Variants in RAPGEF6 observed in about 807,000 individuals in gnomAD.
RAPGEF6 encodes PDZ domain containing guanine nucleotide exchange factor (GEF) 2.
In RAPGEF6, 56 loss-of-function variants were observed where a neutral mutation model predicts 171.4. The observed-to-expected ratio is 0.33, with a 90% CI of 0.26 to 0.41. The LOEUF (loss-of-function observed/expected upper bound fraction) is 0.41, where lower values mean the gene tolerates loss of function less well. Among genes scored for constraint, RAPGEF6 ranks in the 10% least tolerant of loss-of-function variants. The pLI is 1.00. For synonymous variants in RAPGEF6, 692 were observed against 650.1 expected, an observed-to-expected ratio of 1.06 and a Z score of -0.98; for missense variants, 1,674 against 1,921.4, an observed-to-expected ratio of 0.87 and a Z score of 2.41.
At chr5:131,558,292 C>G (rs1761369609) in intron 5 of RAPGEF6, among the ~76,000 whole-genome samples, 1 of 151,596 alleles carries the variant, frequency 6.6e-6, no homozygotes, top group African/African-American at 2.4e-5. Flanking sequence ...ATACCATCTC[C>G]CTTATTAGCA....
At chr5:131,619,034 G>A (rs559012873) in intron 1 of RAPGEF6, among the ~76,000 whole-genome samples, 2 of 146,418 alleles carry the variant, frequency 1.4e-5, no homozygotes, top group South Asian at 4.3e-4. Context: ...AAAGTGCAAT[G>A]TTCATGAAAG....
chr5:131,455,017 A>G (rs185844687), intron 20 of RAPGEF6, among the ~76,000 whole-genome samples: 78 of 152,328 alleles, frequency 5.1e-4, no homozygotes, highest in African/African-American at 1.8e-3. Context: ...ATAAACAAAA[A>G]TTAAGAGATA....
At chr5:131,502,220 T>C (rs1757069554) in intron 11 of RAPGEF6, among the ~76,000 whole-genome samples, 1 of 152,188 alleles carries the variant, frequency 6.6e-6, no homozygotes, top group African/African-American at 2.4e-5. Context: ...TTCAATACAA[T>C]GAGTTAATAA....
chr5:131,446,458 C>G, intron 22 of RAPGEF6, 25 bp downstream of exon 22: 1 of 1,585,284 alleles, frequency 6.3e-7, no homozygotes, highest in Non-Finnish European at 8.6e-7. Flanking sequence ...TCTTTAGCGT[C>G]ACATAAATGA....
intron 3 of RAPGEF6, among the ~76,000 whole-genome samples, chr5:131,596,438 T>C (rs1327679514): frequency 6.6e-6 from 1 of 151,528 alleles, no homozygotes; most frequent in East Asian, 1.9e-4. Flanking sequence ...CCCAAGCTTG[T>C]AAAGCAAATA....
chr5:131,621,254 C>G (rs1765575772), intron 1 of RAPGEF6, among the ~76,000 whole-genome samples: 1 of 152,142 alleles, frequency 6.6e-6, no homozygotes, highest in Admixed American at 6.6e-5. Context: ...GTAGTATTTG[C>G]ATATAACCTA....
chr5:131,605,578 G>C (rs1363105623), intron 1 of RAPGEF6, among the ~76,000 whole-genome samples: 1 of 152,204 alleles, frequency 6.6e-6, no homozygotes, highest in Non-Finnish European at 1.5e-5. Context: ...GAGGAATAAT[G>C]CCTTTATACC....
rs903460209 is a variant in RAPGEF6 at position 131,425,194 on chromosome 5, T to C, written c.*2072A>G. 1.3e-5 allele frequency: 2 copies of C among 152,310 alleles called. No homozygotes were observed. The highest frequency in any genetic ancestry group is 4.8e-5 in the African/African-American group (2 of 41,442). The allele number at this position is 152,310 out of a possible 1,614,324, so 9.4% of individuals were successfully genotyped here. On this transcript the variant is annotated 3_prime_UTR_variant, in exon 28 of 28. Coordinates refer to ENST00000509018, the MANE Select transcript of RAPGEF6 (RefSeq NM_016340.6). ...ATAGGCCTCAACACTCTGTGCAAGA[T>C]ATTTACACTATTAAGGACAAAGACA...
At chr5:131,621,510 G>A in intron 1 of RAPGEF6, among the ~76,000 whole-genome samples, 1 of 151,936 alleles carries the variant, frequency 6.6e-6, no homozygotes, top group Non-Finnish European at 1.5e-5. Flanking sequence ...TCAAACTCCT[G>A]GGCTCAAGCA....
chr5:131,443,921 A>G (rs879407521), intron 22 of RAPGEF6, among the ~76,000 whole-genome samples: 5 of 152,234 alleles, frequency 3.3e-5, no homozygotes, highest in Admixed American at 6.5e-5. Context: ...ATAAATCCAT[A>G]GGTTTTCTGA....
chr5:131,450,746 T>A (rs1464597620), intron 21 of RAPGEF6, among the ~76,000 whole-genome samples: 1 of 152,204 alleles, frequency 6.6e-6, no homozygotes, highest in Non-Finnish European at 1.5e-5. Flanking sequence ...TAAAGAAAGG[T>A]ATTACATTTT....
chr5:131,439,116 C>G (rs1255812384), intron 24 of RAPGEF6, among the ~76,000 whole-genome samples: 1 of 152,128 alleles, frequency 6.6e-6, no homozygotes, highest in Non-Finnish European at 1.5e-5. Flanking sequence ...GGGGTCTCAT[C>G]ATGTTGCCCT....
chr5:131,528,323 A>ATATATAT (rs1759107888), intron 6 of RAPGEF6, among the ~76,000 whole-genome samples: 2 of 109,358 alleles, frequency 1.8e-5, no homozygotes, highest in South Asian at 2.4e-4. Flanking sequence ...TTATATATAT[A>ATATATAT]TATATATATA....
At chr5:131,461,028 A>T (rs1753893286) in intron 19 of RAPGEF6, among the ~76,000 whole-genome samples, 1 of 152,208 alleles carries the variant, frequency 6.6e-6, no homozygotes, top group Admixed American at 6.5e-5. Context: ...CCCTTTGTTG[A>T]TCTACAGTGT....
intron 3 of RAPGEF6, among the ~76,000 whole-genome samples, chr5:131,594,982 G>A (rs1763809364): frequency 6.6e-6 from 1 of 152,148 alleles, no homozygotes; most frequent in African/African-American, 2.4e-5. Flanking sequence ...TTTGGACTTG[G>A]ACTTTTAAGT....
intron 5 of RAPGEF6, among the ~76,000 whole-genome samples, chr5:131,559,358 A>C (rs1761447667): frequency 6.6e-6 from 1 of 152,110 alleles, no homozygotes; most frequent in East Asian, 1.9e-4. Context: ...AAATAAAAAT[A>C]AAAATCTCCC....
At chr5:131,448,984 C>T (rs1179820056) in intron 21 of RAPGEF6, among the ~76,000 whole-genome samples, 1 of 152,086 alleles carries the variant, frequency 6.6e-6, no homozygotes, top group African/African-American at 2.4e-5. Flanking sequence ...AAGTCAAGTT[C>T]ACCAAGCATT....
In RAPGEF6 at chr5:131,610,855, G is replaced by GTAAGCTCAGGTGGCCTTGAAAA. The variant is rs555508209; in HGVS notation, c.70-6184_70-6163dup. On this transcript the variant is annotated intron_variant, in intron 1 of 27. Transcript: ENST00000509018. ...GAAGTAGATTTGTGTGGTGCAAAGTGTAAGCTCAGGTGGCCTTGAAAATAT... is the reference window on the plus strand; with the variant it reads ...GAAGTAGATTTGTGTGGTGCAAAGTGTAAGCTCAGGTGGCCTTGAAAATAAGCTCAGGTGGCCTTGAAAATAT... Among the ~76,000 whole-genome samples the GTAAGCTCAGGTGGCCTTGAAAA allele has an allele frequency of 6.6e-5, 10 of 152,346 alleles. 1 individual carries two copies. In the South Asian group the frequency reaches 2.1e-3, roughly 32 times the overall value.
At chr5:131,440,399 T>C (rs1368807353) in intron 23 of RAPGEF6, among the ~76,000 whole-genome samples, 1 of 152,156 alleles carries the variant, frequency 6.6e-6, no homozygotes, top group African/African-American at 2.4e-5. Context: ...TTTACATTCA[T>C]CTTCTCTAAG....
Sources: allele counts gnomAD v4.1 joint callset (sites outside exome capture counted in the v4.1 genomes callset), GRCh38; gene constraint gnomAD v4.1.1; transcripts MANE v1.5; gene names NCBI Gene and HGNC (gene_info 2026-07-23, HGNC 2026-07-21).